The following ANKS1B variants were observed in gnomAD, a reference collection of about 807,000 sequenced individuals.
ANKS1B encodes ankyrin repeat and sterile alpha motif domain containing 1B.
Under a neutral mutation model 148.3 loss-of-function variants are expected in ANKS1B, and 36 were observed. The ratio of observed to expected loss-of-function variants is 0.24; its 90% confidence interval spans 0.19 to 0.32. The LOEUF (loss-of-function observed/expected upper bound fraction) is 0.32. ANKS1B is among the 10% of genes least tolerant of loss of function. The probability of loss-of-function intolerance (pLI) is 1.00; values close to 1 mark genes in which losing one functional copy is unlikely to be tolerated. For synonymous variants in ANKS1B, 542 were observed against 560.8 expected (o/e 0.97, Z 0.47); for missense variants, 1,157 against 1,542.6 (o/e 0.75, Z 4.19).
chr12:99,975,809 C>G (rs997372928), intron 1 of ANKS1B, among the ~76,000 whole-genome samples: 1 of 152,100 alleles, frequency 6.6e-6, no homozygotes, highest in Non-Finnish European at 1.5e-5. Context: ...CTCAAAGAAC[C>G]TAAAATTGCT....
chr12:99,790,394 G>A (rs1338740398), intron 4 of ANKS1B, among the ~76,000 whole-genome samples: 2 of 152,070 alleles, frequency 1.3e-5, no homozygotes, highest in East Asian at 3.9e-4. Flanking sequence ...GAAAGAAAAG[G>A]AAATTAATAA....
chr12:98,745,854 A>C lies in ANKS1B; in HGVS notation c.3748-5T>G. 6.2e-7 allele frequency: 1 copy of C among 1,611,622 alleles called. No homozygotes were observed. Among genetic ancestry groups the C allele is most frequent in the Non-Finnish European group, 8.5e-7 (1 of 1,178,934 alleles). The stretch of plus-strand genomic sequence containing the variant: ...TTGCTCAGATGGGTCGATCTGCTTT[A>C]AAACAGAAAGGCTGATGCCTGTTAT... On this transcript the variant is annotated splice_region_variant and splice_polypyrimidine_tract_variant and intron_variant, in intron 26 of 26. Coordinates refer to ENST00000683438, the MANE Select transcript of ANKS1B (RefSeq NM_001352186.2).
chr12:99,338,056 A>AAGTGT (rs2089264258), intron 12 of ANKS1B, among the ~76,000 whole-genome samples: 1 of 152,134 alleles, frequency 6.6e-6, no homozygotes, highest in Non-Finnish European at 1.5e-5. Flanking sequence ...CTCAAGGCCC[A>AAGTGT]AGTGTTCTTA....
chr12:98,752,968 G>A (rs2098131955), intron 25 of ANKS1B, among the ~76,000 whole-genome samples: 1 of 152,016 alleles, frequency 6.6e-6, no homozygotes, highest in Non-Finnish European at 1.5e-5. Flanking sequence ...CTGGTGTGGC[G>A]GCTCACAGTC....
intron 22 of ANKS1B, among the ~76,000 whole-genome samples, chr12:98,782,429 A>G (rs557732998): frequency 8.1e-4 from 123 of 152,296 alleles, no homozygotes; most frequent in African/African-American, 2.7e-3. Context: ...TGAGCTTTCA[A>G]CAACTAGTTG....
intron 8 of ANKS1B, among the ~76,000 whole-genome samples, chr12:99,729,612 T>C (rs1192167122): frequency 6.6e-6 from 1 of 152,206 alleles, no homozygotes; most frequent in Non-Finnish European, 1.5e-5. Context: ...GGCTACTTTC[T>C]AGTCATTTTC....
chr12:99,162,228 G>A (rs1219899554), intron 14 of ANKS1B, among the ~76,000 whole-genome samples: 3 of 152,178 alleles, frequency 2.0e-5, no homozygotes, highest in Admixed American at 1.3e-4. Context: ...TTAGAGTGAC[G>A]AAAATGTTTT....
At chr12:98,883,484 T>C (rs1359100171) in intron 17 of ANKS1B, among the ~76,000 whole-genome samples, 1 of 152,230 alleles carries the variant, frequency 6.6e-6, no homozygotes, top group African/African-American at 2.4e-5. Context: ...CAGACAGAGC[T>C]GTGCTTGATG....
intron 22 of ANKS1B, among the ~76,000 whole-genome samples, chr12:98,788,442 G>A (rs1278539477): frequency 4.6e-5 from 7 of 152,128 alleles, no homozygotes; most frequent in Non-Finnish European, 8.8e-5. Flanking sequence ...TTTAAAAATA[G>A]TTTGGGTTCT....
intron 17 of ANKS1B, among the ~76,000 whole-genome samples, chr12:98,906,138 A>G (rs1329691591): frequency 1.3e-5 from 2 of 152,168 alleles, no homozygotes; most frequent in African/African-American, 4.8e-5. Flanking sequence ...AGAATGTTCT[A>G]ATTTGCTTTT....
intron 12 of ANKS1B, among the ~76,000 whole-genome samples, chr12:99,366,220 T>C (rs777498385): frequency 6.6e-6 from 1 of 152,206 alleles, no homozygotes; most frequent in Non-Finnish European, 1.5e-5. Flanking sequence ...TCTCCCTTTC[T>C]TTCTGCCTTG....
chr12:99,832,457 C>T (rs752496777), intron 1 of ANKS1B, among the ~76,000 whole-genome samples: 2 of 151,852 alleles, frequency 1.3e-5, no homozygotes, highest in South Asian at 2.1e-4. Flanking sequence ...GGGGTAGCGG[C>T]GGGTGCTTGT....
At chr12:99,618,525 G>A (rs1239508699) in intron 9 of ANKS1B, among the ~76,000 whole-genome samples, 2 of 152,130 alleles carry the variant, frequency 1.3e-5, no homozygotes, top group Non-Finnish European at 2.9e-5. Context: ...CCTGGGAGGA[G>A]AATGCTGGCC....
At chr12:99,971,200 G>A (rs2095553890) in intron 1 of ANKS1B, among the ~76,000 whole-genome samples, 1 of 152,134 alleles carries the variant, frequency 6.6e-6, no homozygotes, top group Non-Finnish European at 1.5e-5. Context: ...TTAAGAAATA[G>A]TTTAACCATT....
intron 12 of ANKS1B, among the ~76,000 whole-genome samples, chr12:99,340,720 A>C (rs2089771123): frequency 6.6e-6 from 1 of 152,032 alleles, no homozygotes; most frequent in Non-Finnish European, 1.5e-5. Flanking sequence ...ATTACCAATT[A>C]CCTTACACAG....
intron 14 of ANKS1B, among the ~76,000 whole-genome samples, chr12:99,160,072 A>AAAAAAT (rs2076490132): frequency 6.6e-6 from 1 of 151,926 alleles, no homozygotes; most frequent in African/African-American, 2.4e-5. Context: ...TAATGTGGTT[A>AAAAAAT]TTTATTTTTA....
At chr12:99,721,566 C>T (rs1025816153) in intron 8 of ANKS1B, among the ~76,000 whole-genome samples, 1 of 151,924 alleles carries the variant, frequency 6.6e-6, no homozygotes, top group African/African-American at 2.4e-5. Flanking sequence ...AGAGAACAAC[C>T]CCCCTTTGAC....
chr12:99,154,564 T>C, intron 14 of ANKS1B, 169 bp from the exon 15 acceptor site: 1 of 1,533,576 alleles, frequency 6.5e-7, no homozygotes, highest in Non-Finnish European at 8.8e-7. Context: ...GAGAGCAAAG[T>C]CAGAAGTAAA....
intron 8 of ANKS1B, among the ~76,000 whole-genome samples, chr12:99,735,807 C>CAAAAAAAAAAAAAAAAAA (rs376398944): frequency 1.8e-5 from 2 of 108,952 alleles, no homozygotes; most frequent in Non-Finnish European, 3.8e-5. Context: ...GGACATATAC[C>CAAAAAAAAAAAAAAAAAA]AAAAAAAAAA....
Sources: allele counts gnomAD v4.1 joint callset (sites outside exome capture counted in the v4.1 genomes callset), GRCh38; gene constraint gnomAD v4.1.1; transcripts MANE v1.5; gene names NCBI Gene and HGNC (gene_info 2026-07-23, HGNC 2026-07-21).